RNF17: variants seen among roughly 807,000 people sequenced by gnomAD.
RNF17 encodes spermatogenesis associated 23.
Under a neutral mutation model 200.5 loss-of-function variants are expected in RNF17, and 31 were observed. The ratio of observed to expected loss-of-function variants is 0.15; its 90% CI spans 0.12 to 0.21. The LOEUF is 0.21. Among genes scored for constraint, RNF17 ranks in the 10% least tolerant of loss-of-function variants. The pLI, the probability that RNF17 is intolerant of heterozygous loss-of-function variation, is 1.00. For missense variants in RNF17, 1,628 were observed against 1,905.1 expected (o/e 0.85, Z 2.71); for synonymous variants, 606 against 637.8 (o/e 0.95, Z 0.75).
chr13:24,751,047 A>T, the RNF17 span: 1 of 152,182 alleles, frequency 6.6e-6, no homozygotes, highest in Admixed American at 6.6e-5. Context: ...CTAAAAAGTA[A>T]ACTCCATGAG....
In RNF17 at chr13:24,874,211, T is replaced by C. The variant is rs1460687994; in HGVS notation, c.4545T>C (p.Phe1515=). ...EFNPLSILVQ[F]VDYGSTAKLT... is the part of the protein sequence containing the mutation. ...ATCCTTTATCTATCTTAGTACAATT[T>C]GTTGATTATGGATCAACTGCAAAGC... is the stretch of plus-strand genomic sequence containing the variant. The change falls in exon 33 of 36, where the codon TTT becomes TTC. Residue 1515 remains phenylalanine (F), a synonymous_variant. Coordinates refer to ENST00000255324, the MANE Select transcript of RNF17 (RefSeq NM_031277.3). The C allele has an allele frequency of 1.2e-6, 2 of 1,608,404 alleles. No individual in the cohort carries two copies. Among genetic ancestry groups the C allele is most frequent in the Non-Finnish European group, 1.7e-6 (2 of 1,177,790 alleles).
At chr13:24,871,474 A>G (rs1426055548) in intron 32 of RNF17, among the ~76,000 whole-genome samples, 1 of 151,706 alleles carries the variant, frequency 6.6e-6, no homozygotes, top group Admixed American at 6.6e-5. Flanking sequence ...AGTAGTTGGG[A>G]TTACAGGTGC....
At chr13:24,870,029 C>G (rs1894084732) in intron 31 of RNF17, among the ~76,000 whole-genome samples, 1 of 148,708 alleles carries the variant, frequency 6.7e-6, no homozygotes, top group African/African-American at 2.5e-5. Context: ...GCAAGCTCCA[C>G]TTCCCGGGTT....
chr13:24,851,513 G>A lies in RNF17; in HGVS notation c.3262G>A (p.Glu1088Lys), dbSNP rs779022279. The stretch of plus-strand genomic sequence containing the variant: ...AATTTTCTGCAGAGATGAAAAAGGA[G>A]AGCGTGTTGATGTTTCTAAATATTT... ...VKIFCRDEKG[E>K]RVDVSKYLIK... The change falls in exon 24 of 36, where the codon GAG (glutamate) becomes AAG (lysine). Residue 1088 changes from glutamate (E) to lysine (K), a missense_variant. By Grantham distance (56) the Glu-to-Lys change is moderately conservative. Around this residue, in one of 5 missense-constraint regions of RNF17, gnomAD observed 609 missense variants for 681.9 expected, o/e 0.89. Coordinates refer to ENST00000255324, the MANE Select transcript of RNF17 (RefSeq NM_031277.3). 5.6e-6 allele frequency: 9 copies of A among 1,613,930 alleles called. No individual in the cohort carries two copies. The South Asian group carries it at 8.8e-5, about 16-fold the overall frequency.
intron 26 of RNF17, among the ~76,000 whole-genome samples, chr13:24,860,182 CCT>C (rs1471664739): frequency 6.6e-6 from 1 of 151,334 alleles, no homozygotes; most frequent in East Asian, 2.0e-4. Flanking sequence ...TCAGATAACC[CCT>C]GACCTTTTTT....
At chr13:24,864,041 TATTAG>T (rs1287148614) in intron 28 of RNF17, among the ~76,000 whole-genome samples, 1 of 151,752 alleles carries the variant, frequency 6.6e-6, no homozygotes, top group African/African-American at 2.4e-5. Flanking sequence ...CTATGAGGAG[TATTAG>T]ATTAGATAAG....
At chr13:24,829,357 A>G (rs1456819904) in intron 16 of RNF17, among the ~76,000 whole-genome samples, 2 of 152,252 alleles carry the variant, frequency 1.3e-5, no homozygotes, top group African/African-American at 4.8e-5. Flanking sequence ...AGATAAAACA[A>G]TAACATTCTT....
chr13:24,881,896 C>CTATATAGA (rs1453353789), downstream of RNF17, among the ~76,000 whole-genome samples: 6 of 124,434 alleles, frequency 4.8e-5, no homozygotes, highest in Admixed American at 8.0e-5. Context: ...ATAGATACAT[C>CTATATAGA]TATATAGATA....
intron 2 of RNF17, among the ~76,000 whole-genome samples, chr13:24,772,940 A>G (rs990304155): frequency 6.6e-6 from 1 of 152,116 alleles, no homozygotes; most frequent in Non-Finnish European, 1.5e-5. Context: ...AAGACATACA[A>G]CCAGCCAATA....
At chr13:24,817,133 TAG>T (rs1241358864) in intron 15 of RNF17, among the ~76,000 whole-genome samples, 1 of 152,248 alleles carries the variant, frequency 6.6e-6, no homozygotes, top group African/African-American at 2.4e-5. Context: ...TGCAGCCTCT[TAG>T]AGTTAGTATT....
At chr13:24,861,460 T>C (rs1893096774) in intron 27 of RNF17, 73 bp downstream of exon 27, 11 of 1,079,892 alleles carry the variant, frequency 1.0e-5, no homozygotes, top group Non-Finnish European at 1.4e-5. Flanking sequence ...TAGAAATATT[T>C]AGAATGTAAA....
chr13:24,818,289 T>C (rs1887634468), intron 15 of RNF17, among the ~76,000 whole-genome samples: 1 of 152,162 alleles, frequency 6.6e-6, no homozygotes, highest in Non-Finnish European at 1.5e-5. Context: ...TTTTGCAGCC[T>C]AACATATGGT....
intron 1 of RNF17, among the ~76,000 whole-genome samples, chr13:24,766,268 AT>A (rs1428273483): frequency 6.6e-6 from 1 of 152,268 alleles, no homozygotes; most frequent in Non-Finnish European, 1.5e-5. Context: ...CAAGAACTCT[AT>A]AATTATTTTG....
chr13:24,781,894 A>G lies in RNF17; in HGVS notation c.561A>G (p.Ile187Met). The G allele has an allele frequency of 6.2e-7, 1 of 1,613,360 alleles. No homozygotes were observed. Among genetic ancestry groups the G allele is most frequent in the Non-Finnish European group, 8.5e-7 (1 of 1,179,822 alleles). The part of the protein sequence containing the change: ...KQTIEERERV[I>M]EVVEKQFDQL... ...CGATAGAGGAAAGAGAAAGAGTTAT[A>G]GAAGTTGTGGAGAAACAGTTTGACC... is the stretch of plus-strand genomic sequence containing the variant. Residue 187 changes from isoleucine to methionine, a missense_variant, in exon 6 of 36, where the codon ATA (isoleucine) becomes ATG (methionine). Physicochemically the swap from Ile to Met is conservative, Grantham distance 10. Around this residue, in one of 5 missense-constraint regions of RNF17, gnomAD observed 502 missense variants for 501.7 expected, o/e 1.00. Coordinates refer to ENST00000255324, the MANE Select transcript of RNF17 (RefSeq NM_031277.3).
downstream of RNF17, chr13:24,883,125 T>C: frequency 6.8e-7 from 1 of 1,461,150 alleles, no homozygotes; most frequent in Non-Finnish European, 9.6e-7. Flanking sequence ...TAAATGTACA[T>C]TTTTTAACAT....
At chr13:24,872,300 T>A (rs917423111) in intron 32 of RNF17, among the ~76,000 whole-genome samples, 1 of 152,298 alleles carries the variant, frequency 6.6e-6, no homozygotes, top group African/African-American at 2.4e-5. Context: ...TATAACTCTT[T>A]AATTAAAATC....
intron 24 of RNF17, among the ~76,000 whole-genome samples, chr13:24,853,259 T>TG (rs1447042968): frequency 1.3e-5 from 2 of 152,162 alleles, no homozygotes; most frequent in Non-Finnish European, 2.9e-5. Flanking sequence ...AAAAGAAACT[T>TG]GCTATAATTC....
intron 25 of RNF17, among the ~76,000 whole-genome samples, chr13:24,854,961 T>C (rs1433832059): frequency 6.6e-6 from 1 of 152,192 alleles, no homozygotes; most frequent in African/African-American, 2.4e-5. Flanking sequence ...GTCTCCTGTT[T>C]TGCCACCCCA....
chr13:24,880,554 CTATTT>C (rs1431470584), downstream of RNF17, among the ~76,000 whole-genome samples: 2 of 152,148 alleles, frequency 1.3e-5, no homozygotes, highest in Non-Finnish European at 2.9e-5. Flanking sequence ...TTTTTATTTT[CTATTT>C]TATTTGCTCT....
Sources: allele counts gnomAD v4.1 joint callset (sites outside exome capture counted in the v4.1 genomes callset), GRCh38; gene constraint gnomAD v4.1.1; regional missense constraint gnomAD v4.1.1; transcripts MANE v1.5; gene names NCBI Gene and HGNC (gene_info 2026-07-23, HGNC 2026-07-21).